SRRM2: variants seen among roughly 807,000 people sequenced by gnomAD.
The protein encoded by SRRM2 is serine/arginine repetitive matrix 2, also known as serine/arginine repetitive matrix protein 2.
Under a neutral mutation model 213.8 loss-of-function variants are expected in SRRM2, and 30 were observed. That is an observed-to-expected ratio of 0.14 (90% CI 0.10 to 0.19). The LOEUF (loss-of-function observed/expected upper bound fraction) is 0.19. Among genes scored for constraint, SRRM2 ranks in the 10% least tolerant of loss-of-function variants. SRRM2 has a pLI of 1.00. For missense variants in SRRM2, 4,904 were observed against 3,647.0 expected, an observed-to-expected ratio of 1.34 and a Z score of -8.88; for synonymous variants, 2,025 against 1,377.7, an observed-to-expected ratio of 1.47 and a Z score of -10.40.
Position 2,764,547 on chromosome 16 carries a change from G to T in SRRM2, c.4019G>T (p.Gly1340Val), listed in dbSNP as rs750586569. Residue 1340 changes from glycine (G) to valine (V), a missense_variant, in exon 11 of 15, where the codon GGT becomes GTT. By Grantham distance (109) the Gly-to-Val change is moderately radical (BLOSUM62 -3). Transcript: ENST00000301740. ...PLEFRNSGPL[G>V]TEMNTGFSSE... ...GAATTTAGAAACTCAGGCCCACTTG[G>T]TACAGAAATGAATACTGGATTTTCT... 1 of 1,614,092 alleles carries T rather than the reference G, an allele frequency of 6.2e-7. No individual in the cohort carries two copies. The highest frequency in any genetic ancestry group is 8.5e-7 in the Non-Finnish European group (1 of 1,180,054).
chr16:2,765,965 C>A lies in SRRM2; in HGVS notation c.5437C>A (p.Arg1813=). The A allele has an allele frequency of 6.2e-7, 1 of 1,614,104 alleles. No individual in the cohort carries two copies. The highest frequency in any genetic ancestry group is 8.5e-7 in the Non-Finnish European group (1 of 1,180,012). Residue 1813 remains arginine, a synonymous_variant, in exon 11 of 15, where the codon CGG becomes AGG. Coordinates refer to ENST00000301740, the MANE Select transcript of SRRM2 (RefSeq NM_016333.4). ...RSRSRSRVTR[R]RRGGSGYHSR... The stretch of plus-strand genomic sequence containing the variant: ...CCGGTCAAGGTCGCGGGTTACTCGG[C>A]GGCGGAGGGGAGGCTCTGGTTATCA...
Position 2,757,924 on chromosome 16 carries a change from C to T in SRRM2, c.494C>T (p.Pro165Leu), listed in dbSNP as rs1281762288. 3 of 1,614,072 alleles carry T rather than the reference C, an allele frequency of 1.9e-6. No individual in the cohort carries two copies. The highest frequency in any genetic ancestry group is 1.3e-5 in the African/African-American group (1 of 75,016). ...RRAREAKQPA[P>L]EPPKPYSLVR... The stretch of plus-strand genomic sequence containing the variant: ...GCCCGAGAAGCTAAACAACCAGCTC[C>T]TGAGCCTCCCAAACCTTACAGGTAT... The change falls in exon 4 of 15, where the codon CCT becomes CTT. Residue 165 changes from proline (P) to leucine (L), a missense_variant. Physicochemically the swap from Pro to Leu is moderately conservative, Grantham distance 98. Transcript: ENST00000301740.
In SRRM2 at chr16:2,765,419, G is replaced by T. The variant is rs780922434; in HGVS notation, c.4891G>T (p.Ala1631Ser). 1.2e-6 allele frequency: 2 copies of T among 1,614,114 alleles called. No individual in the cohort carries two copies. Among genetic ancestry groups the T allele is most frequent in the Middle Eastern group, 1.6e-4 (1 of 6,062 alleles). ...SPEPKAPAPRALPRRSRSGSS... is the reference protein window; with the variant it reads ...SPEPKAPAPRSLPRRSRSGSS... ...TGAACCTAAAGCTCCAGCCCCTCGG[G>T]CCCTTCCCAGACGAAGCAGATCAGG... The change falls in exon 11 of 15, where the codon GCC (alanine) becomes TCC (serine). Residue 1631 changes from alanine (A) to serine (S), a missense_variant. Coordinates refer to ENST00000301740, the MANE Select transcript of SRRM2 (RefSeq NM_016333.4).
At chr16:2,758,115 G>A (rs141525560) in intron 4 of SRRM2, among the ~76,000 whole-genome samples, 170 bp downstream of exon 4, 15 of 152,304 alleles carry the variant, frequency 9.8e-5, no homozygotes, top group African/African-American at 2.6e-4. Context: ...TGGGTCACGC[G>A]CGTAATCCCA....
chr16:2,763,460 A>G lies in SRRM2; in HGVS notation c.2932A>G (p.Lys978Glu). The G allele has an allele frequency of 4.3e-6, 7 of 1,614,200 alleles. No individual in the cohort carries two copies. The highest frequency in any genetic ancestry group is 5.9e-6 in the Non-Finnish European group (7 of 1,180,032). ...SHSGSSSPDT[K>E]VKPETPPRQS... ...TTCTGGGTCCTCCTCACCAGATACC[A>G]AAGTGAAACCTGAAACACCGCCAAG... Residue 978 changes from lysine (K) to glutamate (E), a missense_variant, in exon 11 of 15, where the codon AAA becomes GAA. Physicochemically the swap from Lys to Glu is moderately conservative, Grantham distance 56. Transcript: ENST00000301740.
Position 2,764,454 on chromosome 16 carries a change from A to G in SRRM2, c.3926A>G (p.His1309Arg), listed in dbSNP as rs1268501328. ...ATGGCCTCATCTTGGGGTGGGCCAC[A>G]TTTTTCTCCAGAACATAAAGAACTG... ...PSMASSWGGP[H>R]FSPEHKELSN... Residue 1309 changes from histidine to arginine, a missense_variant, in exon 11 of 15, where the codon CAT becomes CGT. His to Arg is a conservative substitution (Grantham distance 29). Coordinates refer to ENST00000301740, the MANE Select transcript of SRRM2 (RefSeq NM_016333.4). 6.2e-7 allele frequency: 1 copy of G among 1,612,882 alleles called. No homozygotes were observed. The highest frequency in any genetic ancestry group is 1.1e-5 in the South Asian group (1 of 90,742).
intron 5 of SRRM2, 29 bp downstream of exon 5, chr16:2,758,576 G>T (rs777409589): frequency 1.3e-6 from 2 of 1,590,450 alleles, no homozygotes; most frequent in Non-Finnish European, 8.6e-7. Flanking sequence ...GACTCTGATA[G>T]CCAGAGGACC....
At position 2,762,956 on chromosome 16, in the gene SRRM2, A is replaced by C; in HGVS notation, c.2428A>C (p.Thr810Pro). 6.2e-7 allele frequency: 1 copy of C among 1,610,180 alleles called. No homozygotes were observed. Among genetic ancestry groups the C allele is most frequent in the East Asian group, 2.2e-5 (1 of 44,880 alleles). Residue 810 changes from threonine (T) to proline (P), a missense_variant, in exon 11 of 15, where the codon ACG (threonine) becomes CCG (proline). Thr to Pro is a conservative substitution (Grantham distance 38). Transcript: ENST00000301740. Reference sequence around the variant, plus strand: ...CTCCCAACCTAAAGCTAAATCTAGAACGCCACCCAGACGCAGTCGCTCCAG... The same window carrying C: ...CTCCCAACCTAAAGCTAAATCTAGACCGCCACCCAGACGCAGTCGCTCCAG... Reference protein sequence around the residue: ...GSSQPKAKSRTPPRRSRSSSS... With the variant: ...GSSQPKAKSRPPPRRSRSSSS...
chr16:2,762,021 G>A lies in SRRM2; in HGVS notation c.1493G>A (p.Arg498Gln), dbSNP rs186218708. Reference sequence around the variant, plus strand: ...GCTAAGAGAGGGCGATCTCGGTCTCGAACCCCTACCAAGAGAGGTCATTCT... The same window carrying A: ...GCTAAGAGAGGGCGATCTCGGTCTCAAACCCCTACCAAGAGAGGTCATTCT... ...ATAKRGRSRS[R>Q]TPTKRGHSRS... The change falls in exon 11 of 15, where the codon CGA (arginine) becomes CAA (glutamine). Residue 498 changes from arginine to glutamine, a missense_variant. By Grantham distance (43) the Arg-to-Gln change is conservative. Transcript: ENST00000301740. The A allele has an allele frequency of 6.8e-6, 11 of 1,614,154 alleles. No homozygotes were observed. Among genetic ancestry groups the A allele is most frequent in the Admixed American group, 5.0e-5 (3 of 60,036 alleles).
At chr16:2,759,727 G>A in intron 9 of SRRM2, 66 bp downstream of exon 9, 1 of 1,472,236 alleles carries the variant, frequency 6.8e-7, no homozygotes, top group South Asian at 1.1e-5. Flanking sequence ...AATATTTATT[G>A]AGCGCCCACG....
At chr16:2,759,327 T>C (rs1443124339) in intron 7 of SRRM2, 25 bp from the exon 8 acceptor site, 9 of 1,609,992 alleles carry the variant, frequency 5.6e-6, no homozygotes, top group Non-Finnish European at 7.6e-6. Context: ...GAAGTTACTT[T>C]TAACAACCTT....
chr16:2,770,890 A>G lies in SRRM2; in HGVS notation c.*23A>G. ...TAAATTGTCTTTGGGGGATTCCACC[A>G]CACCCAATGCTCTGGAGCCACAAGG... is the stretch of plus-strand genomic sequence containing the variant. On this transcript the variant is annotated 3_prime_UTR_variant, in exon 15 of 15. Coordinates refer to ENST00000301740, the MANE Select transcript of SRRM2 (RefSeq NM_016333.4). The G allele has an allele frequency of 1.2e-6, 2 of 1,613,640 alleles. No individual in the cohort carries two copies. Among genetic ancestry groups the G allele is most frequent in the Middle Eastern group, 1.7e-4 (1 of 5,824 alleles).
chr16:2,758,039 A>T, intron 4 of SRRM2, 94 bp downstream of exon 4: 3 of 1,452,618 alleles, frequency 2.1e-6, no homozygotes, highest in Non-Finnish European at 2.8e-6. Context: ...TTCTTCCCAA[A>T]CTCTTCAGAT....
chr16:2,762,023 A>T lies in SRRM2; in HGVS notation c.1495A>T (p.Thr499Ser), dbSNP rs148626031. Residue 499 changes from threonine to serine, a missense_variant, in exon 11 of 15, where the codon ACC becomes TCC. Physicochemically the swap from Thr to Ser is moderately conservative, Grantham distance 58. Coordinates refer to ENST00000301740, the MANE Select transcript of SRRM2 (RefSeq NM_016333.4). ...TAAGAGAGGGCGATCTCGGTCTCGA[A>T]CCCCTACCAAGAGAGGTCATTCTCG... ...TAKRGRSRSRTPTKRGHSRSR... is the reference protein window; with the variant it reads ...TAKRGRSRSRSPTKRGHSRSR... 1.2e-6 allele frequency: 2 copies of T among 1,614,120 alleles called. No homozygotes were observed. The highest frequency in any genetic ancestry group is 2.2e-5 in the South Asian group (2 of 91,076).
intron 2 of SRRM2, 89 bp from the exon 3 acceptor site, chr16:2,757,382 AG>A: frequency 9.7e-7 from 1 of 1,030,722 alleles, no homozygotes; most frequent in Non-Finnish European, 1.5e-6. Flanking sequence ...ATGGAGAGGG[AG>A]GGGCCCCTTT....
chr16:2,755,463 A>AG (rs569820873), intron 1 of SRRM2, among the ~76,000 whole-genome samples: 111 of 152,340 alleles, frequency 7.3e-4, no homozygotes, highest in African/African-American at 2.5e-3. Flanking sequence ...GTTGGAACAG[A>AG]GGAGGCTGGT....
chr16:2,765,026 C>T lies in SRRM2; in HGVS notation c.4498C>T (p.Pro1500Ser). 1.9e-6 allele frequency: 3 copies of T among 1,614,028 alleles called. No individual in the cohort carries two copies. The highest frequency in any genetic ancestry group is 1.1e-5 in the South Asian group (1 of 91,084). The change falls in exon 11 of 15, where the codon CCA (proline) becomes TCA (serine). Residue 1500 changes from proline (P) to serine (S), a missense_variant. Physicochemically the swap from Pro to Ser is moderately conservative, Grantham distance 74 (BLOSUM62 -1). Coordinates refer to ENST00000301740, the MANE Select transcript of SRRM2 (RefSeq NM_016333.4). The stretch of plus-strand genomic sequence containing the variant: ...GACTCCTAGGCCGAGGAGTCGTTCT[C>T]CATCATCCCCAGAGCTCAACAACAA... ...PQTPRPRSRS[P>S]SSPELNNKCL...
intron 1 of SRRM2, 31 bp from the exon 2 acceptor site, chr16:2,756,299 AGGGG>A: frequency 6.8e-7 from 1 of 1,480,414 alleles, no homozygotes; most frequent in Non-Finnish European, 8.9e-7. Context: ...GTTTGGGGCC[AGGGG>A]CCTGACCCGT....
chr16:2,771,169 G>A lies in SRRM2; in HGVS notation c.*302G>A. The A allele has an allele frequency of 1.6e-6, 1 of 624,474 alleles. No individual in the cohort carries two copies. Among genetic ancestry groups the A allele is most frequent in the Non-Finnish European group, 2.8e-6 (1 of 356,286 alleles). The allele number at this position is 624,474 out of a possible 1,614,324, so 38.7% of individuals were successfully genotyped here. ...CCAGCCTGGAGTCAGGGCCAGGGAGGCATGGCCCCACTTGTATCCAGAAGT... is the reference window on the plus strand; with the variant it reads ...CCAGCCTGGAGTCAGGGCCAGGGAGACATGGCCCCACTTGTATCCAGAAGT... On this transcript the variant is annotated 3_prime_UTR_variant, in exon 15 of 15. Transcript: ENST00000301740.
Sources: allele counts gnomAD v4.1 joint callset (sites outside exome capture counted in the v4.1 genomes callset), GRCh38; gene constraint gnomAD v4.1.1; transcripts MANE v1.5; gene names NCBI Gene and HGNC (gene_info 2026-07-23, HGNC 2026-07-21).